KIRREL3: variants seen among roughly 807,000 people sequenced by gnomAD.
KIRREL3 encodes the protein kin of IRRE-like protein 3.
In KIRREL3, 36 loss-of-function variants were observed where a neutral mutation model predicts 89.7. The observed-to-expected ratio is 0.40, with a 90% CI of 0.31 to 0.53. KIRREL3 has a LOEUF of 0.53. KIRREL3 is among the 20% of genes least tolerant of loss of function. KIRREL3 has a pLI of 0.49. For synonymous variants in KIRREL3, 445 were observed against 441.4 expected (o/e 1.01, Z -0.10); for missense variants, 864 against 1,056.6 (o/e 0.82, Z 2.53).
rs1476042149 is a variant in KIRREL3, at chr11:126,515,330, G to A, written c.433+5985C>T. Among the ~76,000 whole-genome samples the A allele has an allele frequency of 6.6e-6, 1 of 152,168 alleles. No homozygotes were observed. Among genetic ancestry groups the A allele is most frequent in the Non-Finnish European group, 1.5e-5 (1 of 68,024 alleles). On this transcript the variant is annotated intron_variant, in intron 4 of 16. Coordinates refer to ENST00000525144, the MANE Select transcript of KIRREL3 (RefSeq NM_032531.4). The surrounding 1 kb of genome is among the most constrained non-coding windows in gnomAD (Gnocchi z 4.2). Reference sequence around the variant, plus strand: ...CTGGGTGAGGTGGTGCATGCCTGTGGTCTCAGCTACTCGGGAGGCTGAGGT... The same window carrying A: ...CTGGGTGAGGTGGTGCATGCCTGTGATCTCAGCTACTCGGGAGGCTGAGGT...
rs1381784492 is a variant in KIRREL3, at chr11:126,808,008, A to G, written c.55+192447T>C. Reference sequence around the variant, plus strand: ...AATGCACATTTGTGTGAGGCTCAGCACTGGATAAATGGGGAAAGAATGAAT... The same window carrying G: ...AATGCACATTTGTGTGAGGCTCAGCGCTGGATAAATGGGGAAAGAATGAAT... On this transcript the variant is annotated intron_variant, in intron 1 of 16. Transcript: ENST00000525144. The surrounding 1 kb of genome is among the most constrained non-coding windows in gnomAD (Gnocchi z 4.1). Among the ~76,000 whole-genome samples, 10 of 152,220 alleles carry G rather than the reference A, an allele frequency of 6.6e-5. No individual in the cohort carries two copies. Among genetic ancestry groups the G allele is most frequent in the Non-Finnish European group, 1.3e-4 (9 of 68,040 alleles).
rs1221504840 is a variant in KIRREL3, at chr11:126,485,103, G to T, written c.434-11637C>A. Among the ~76,000 whole-genome samples, 1 of 152,128 alleles carries T rather than the reference G, an allele frequency of 6.6e-6. No individual in the cohort carries two copies. Among genetic ancestry groups the T allele is most frequent in the Non-Finnish European group, 1.5e-5 (1 of 68,002 alleles). On this transcript the variant is annotated intron_variant, in intron 4 of 16. Coordinates refer to ENST00000525144, the MANE Select transcript of KIRREL3 (RefSeq NM_032531.4). The surrounding 1 kb of genome is among the most constrained non-coding windows in gnomAD (Gnocchi z 5.8). ...CAAAGTGCTGGGATTACAGCTGTGA[G>T]CCACTGCGCCCGGCCACAAGTGGGA...
intron 1 of KIRREL3, among the ~76,000 whole-genome samples, chr11:126,596,037 A>C (rs150989652): frequency 6.6e-6 from 1 of 152,310 alleles, no homozygotes; most frequent in Non-Finnish European, 1.5e-5. Context: ...CTTGGCCCCT[A>C]GGAAGGCAGG....
intron 4 of KIRREL3, among the ~76,000 whole-genome samples, chr11:126,517,973 A>G (rs776606516): frequency 3.3e-5 from 5 of 152,236 alleles, no homozygotes; most frequent in African/African-American, 4.8e-5. Context: ...GGCTGAGTCA[A>G]GCCATAGTCC....
intron 7 of KIRREL3, among the ~76,000 whole-genome samples, chr11:126,450,240 AAT>A (rs1243357989): frequency 6.8e-6 from 1 of 147,754 alleles, no homozygotes; most frequent in African/African-American, 2.6e-5. Flanking sequence ...TGTGCATATG[AAT>A]ATGCATGTGT....
At chr11:126,959,229 T>C (rs1192274184) in intron 1 of KIRREL3, among the ~76,000 whole-genome samples, 1 of 152,232 alleles carries the variant, frequency 6.6e-6, no homozygotes, top group Non-Finnish European at 1.5e-5. Context: ...TCAGCCTCCA[T>C]ACTTACACAG....
intron 1 of KIRREL3, among the ~76,000 whole-genome samples, chr11:126,779,468 G>A (rs186385336): frequency 6.6e-6 from 1 of 152,146 alleles, no homozygotes; most frequent in Admixed American, 6.5e-5. Flanking sequence ...TTTTCTACTT[G>A]TCCCACCCAA....
At chr11:126,657,787 T>G (rs546503152) in intron 1 of KIRREL3, among the ~76,000 whole-genome samples, 2 of 152,372 alleles carry the variant, frequency 1.3e-5, no homozygotes, top group East Asian at 3.9e-4. Flanking sequence ...GTTCAGTCAC[T>G]GTAATGCTTT....
chr11:126,658,348 C>T (rs1234464140), intron 1 of KIRREL3, among the ~76,000 whole-genome samples: 2 of 152,148 alleles, frequency 1.3e-5, no homozygotes, highest in East Asian at 1.9e-4. Context: ...CTTCCTAAGC[C>T]ACTCCTAAAG....
intron 1 of KIRREL3, among the ~76,000 whole-genome samples, chr11:126,881,069 C>T (rs760287125): frequency 6.6e-5 from 10 of 152,178 alleles, no homozygotes; most frequent in East Asian, 1.9e-4. Flanking sequence ...AAAATAAAAT[C>T]GCAAATAAGC....
chr11:126,673,238 G>A (rs938497940), intron 1 of KIRREL3, among the ~76,000 whole-genome samples: 8 of 152,364 alleles, frequency 5.3e-5, no homozygotes, highest in South Asian at 2.1e-4. Flanking sequence ...CACTTGGCTC[G>A]AAAGAGCGGA....
Position 126,490,607 on chromosome 11 carries a change from T to C in KIRREL3, c.434-17141A>G, listed in dbSNP as rs543381489. 6.6e-6 allele frequency among the ~76,000 whole-genome samples: 1 copy of C among 152,278 alleles called. No individual in the cohort carries two copies. Among genetic ancestry groups the C allele is most frequent in the African/African-American group, 2.4e-5 (1 of 41,554 alleles). On this transcript the variant is annotated intron_variant, in intron 4 of 16. Transcript: ENST00000525144. This position sits in a 1 kb window ranked among gnomAD's most constrained non-coding sequence, Gnocchi z 4.2. Reference sequence around the variant, plus strand: ...GCTGCATGGCCTTGGATACGTTAATTAGTTATTTGAGCCTGTGTCTTCGTC... The same window carrying C: ...GCTGCATGGCCTTGGATACGTTAATCAGTTATTTGAGCCTGTGTCTTCGTC...
chr11:126,567,910 GA>G (rs1297162911), intron 1 of KIRREL3, among the ~76,000 whole-genome samples: 4 of 152,112 alleles, frequency 2.6e-5, no homozygotes, highest in Non-Finnish European at 4.4e-5. Flanking sequence ...CACCATTTCT[GA>G]GGCCATCAAG....
chr11:126,745,307 G>T (rs536749724), intron 1 of KIRREL3, among the ~76,000 whole-genome samples: 1 of 152,044 alleles, frequency 6.6e-6, no homozygotes, highest in Non-Finnish European at 1.5e-5. Context: ...AATTCAAAAC[G>T]GTGGAGGGAG....
chr11:126,435,411 A>T lies in KIRREL3; in HGVS notation c.1553-108T>A, dbSNP rs1955287712. On this transcript the variant is annotated intron_variant, in intron 12 of 16. Transcript: ENST00000525144. Reference sequence around the variant, plus strand: ...GGGCTGGGTGAGGGGCTCCTTTCCCAGTCATGTCTCTGGGACCCCCCAACA... The same window carrying T: ...GGGCTGGGTGAGGGGCTCCTTTCCCTGTCATGTCTCTGGGACCCCCCAACA... The T allele has an allele frequency of 3.5e-6, 4 of 1,130,994 alleles. No individual in the cohort carries two copies. In the Admixed American group the frequency reaches 7.4e-5, roughly 21 times the overall value. The allele number at this position is 1,130,994 out of a possible 1,614,324, so 70.1% of individuals were successfully genotyped here.
In KIRREL3 at chr11:126,521,433, G is replaced by T. The variant is rs1331924145; in HGVS notation, c.315C>A (p.His105Gln). Residue 105 changes from histidine to glutamine, a missense_variant, in exon 4 of 17, where the codon CAC (histidine) becomes CAA (glutamine). His to Gln is a conservative substitution (Grantham distance 24). Coordinates refer to ENST00000525144, the MANE Select transcript of KIRREL3 (RefSeq NM_032531.4). The surrounding 1 kb of genome is among the most constrained non-coding windows in gnomAD (Gnocchi z 4.1). ...SYPQYLVVGN[H>Q]LSGEHHLKIL... Reference sequence around the variant, plus strand: ...TCTTCAGGTGGTGCTCCCCTGACAGGTGGTTCCCTACCACCAGGTACTGTG... The same window carrying T: ...TCTTCAGGTGGTGCTCCCCTGACAGTTGGTTCCCTACCACCAGGTACTGTG... 2 of 1,580,788 alleles carry T rather than the reference G, an allele frequency of 1.3e-6. No homozygotes were observed. The highest frequency in any genetic ancestry group is 1.7e-6 in the Non-Finnish European group (2 of 1,163,152).
chr11:126,591,847 A>C (rs1426428316), intron 1 of KIRREL3, among the ~76,000 whole-genome samples: 5 of 152,200 alleles, frequency 3.3e-5, no homozygotes, highest in Non-Finnish European at 7.3e-5. Flanking sequence ...TAAGTAACTT[A>C]CACTTGGCCA....
intron 4 of KIRREL3, among the ~76,000 whole-genome samples, chr11:126,507,527 T>C (rs1345403682): frequency 1.3e-5 from 2 of 152,222 alleles, no homozygotes; most frequent in African/African-American, 4.8e-5. Flanking sequence ...TTTCTTGTTA[T>C]GTTTTTCGTC....
At chr11:126,720,852 A>G (rs979814012) in intron 1 of KIRREL3, among the ~76,000 whole-genome samples, 7 of 152,082 alleles carry the variant, frequency 4.6e-5, no homozygotes, top group Non-Finnish European at 8.8e-5. Context: ...TAGCGAGGGG[A>G]CCTGGAGGAG....
Sources: gnomAD v4.1 joint callset for allele counts (sites outside exome capture counted in the v4.1 genomes callset) on GRCh38, gnomAD v4.1.1 for gene constraint, Gnocchi (gnomAD v3.1) non-coding constraint, MANE v1.5 for transcripts, NCBI Gene and HGNC (gene_info 2026-07-23, HGNC 2026-07-21) for gene names.